The following PPP3R1 variants were observed in gnomAD, a reference collection of about 807,000 sequenced individuals.
PPP3R1 encodes calcineurin subunit B type 1.
Under a neutral mutation model 22.6 loss-of-function variants are expected in PPP3R1, and 5 were observed. The observed-to-expected ratio is 0.22, with a 90% CI of 0.12 to 0.46. The LOEUF (loss-of-function observed/expected upper bound fraction) is 0.46, where lower values mean the gene tolerates loss of function less well. Ranked by LOEUF, PPP3R1 falls within the 20% of genes least tolerant of loss-of-function variation. The pLI, the probability that PPP3R1 is intolerant of heterozygous loss-of-function variation, is 0.99. For synonymous variants in PPP3R1, 56 were observed against 65.2 expected (o/e 0.86, Z 0.68); for missense variants, 61 against 203.2 (o/e 0.30, Z 4.25).
At chr2:68,193,401 G>A (rs1674705590) in intron 2 of PPP3R1, among the ~76,000 whole-genome samples, 2 of 151,922 alleles carry the variant, frequency 1.3e-5, no homozygotes, top group African/African-American at 4.8e-5. Flanking sequence ...TTTCAGCTAC[G>A]ATTACGATGA....
chr2:68,244,241 C>G (rs887036086), intron 1 of PPP3R1, among the ~76,000 whole-genome samples: 1 of 152,118 alleles, frequency 6.6e-6, no homozygotes, highest in Non-Finnish European at 1.5e-5. Context: ...GTTAAAACCC[C>G]TGTTTTCTAG....
At chr2:68,251,745 AG>A (rs1180962396) in intron 1 of PPP3R1, among the ~76,000 whole-genome samples, 1 of 149,480 alleles carries the variant, frequency 6.7e-6, no homozygotes, top group East Asian at 2.0e-4. Context: ...GTGAGTGTGG[AG>A]GGGAGGGGGG....
chr2:68,202,792 ATTTTTTTT>A (rs71395958), intron 2 of PPP3R1, among the ~76,000 whole-genome samples: 30 of 81,204 alleles, frequency 3.7e-4, no homozygotes, highest in South Asian at 1.8e-3. Context: ...AGTTCAGGGA[ATTTTTTTT>A]TTTTTTTTTT....
At chr2:68,193,784 C>G (rs1674714605) in intron 2 of PPP3R1, among the ~76,000 whole-genome samples, 1 of 152,086 alleles carries the variant, frequency 6.6e-6, no homozygotes, top group Non-Finnish European at 1.5e-5. Context: ...TAAAGCAGAT[C>G]AAACCCATCT....
chr2:68,191,515 T>C (rs893998369), intron 2 of PPP3R1, among the ~76,000 whole-genome samples: 1 of 152,198 alleles, frequency 6.6e-6, no homozygotes, highest in African/African-American at 2.4e-5. Flanking sequence ...GGTGAGTTAA[T>C]GTAAGGGCCT....
intron 1 of PPP3R1, among the ~76,000 whole-genome samples, chr2:68,250,296 G>A (rs1670322657): frequency 6.6e-6 from 1 of 152,118 alleles, no homozygotes; most frequent in East Asian, 1.9e-4. Flanking sequence ...GAGTTAACAG[G>A]AAAATAAGAA....
In PPP3R1 at chr2:68,219,894, T is replaced by C. The variant is rs191525582; in HGVS notation, c.4-2763A>G. On this transcript the variant is annotated intron_variant, in intron 1 of 5. Transcript: ENST00000234310. ...ACCAAGTTACTGACAAGATCACTTG[T>C]TGATGAGGTCCTTAAATAAATCCAT... Among the ~76,000 whole-genome samples, 328 of 152,332 alleles carry C rather than the reference T, an allele frequency of 2.2e-3. 2 individuals are homozygous for C. Among genetic ancestry groups the C allele is most frequent in the African/African-American group, 7.6e-3 (318 of 41,580 alleles).
chr2:68,232,124 T>TACACACACACAAAC (rs1669918601), intron 1 of PPP3R1, among the ~76,000 whole-genome samples: 8 of 98,000 alleles, frequency 8.2e-5, no homozygotes, highest in South Asian at 6.6e-4. Flanking sequence ...TATATATATA[T>TACACACACACAAAC]ACACACACAC....
intron 1 of PPP3R1, among the ~76,000 whole-genome samples, chr2:68,228,747 C>T (rs1264562543): frequency 6.6e-6 from 1 of 151,612 alleles, no homozygotes; most frequent in Non-Finnish European, 1.5e-5. Flanking sequence ...TTTGAGGGGG[C>T]TTTTCTTTTC....
rs1174639727 is a variant in PPP3R1, at chr2:68,198,401, ATG to A, written c.44-9713_44-9712del. On this transcript the variant is annotated intron_variant, in intron 2 of 5. Coordinates refer to ENST00000234310, the MANE Select transcript of PPP3R1 (RefSeq NM_000945.4). Reference sequence around the variant, plus strand: ...TGTATATGCATATATATGTATATATATGTGTATGTATATGCATATATACGTAT... The same window carrying A: ...TGTATATGCATATATATGTATATATATGTATGTATATGCATATATACGTAT... Among the ~76,000 whole-genome samples, 13 of 60,290 alleles carry A rather than the reference ATG, an allele frequency of 2.2e-4. No individual in the cohort carries two copies. In the East Asian group the frequency reaches 3.3e-3, roughly 16 times the overall value. 39.6% of individuals were successfully genotyped at this position (60,290 alleles called of 152,430 possible).
At chr2:68,222,762 A>T (rs1160717672) in intron 1 of PPP3R1, among the ~76,000 whole-genome samples, 1 of 152,204 alleles carries the variant, frequency 6.6e-6, no homozygotes. Context: ...ATCTCTTTCT[A>T]GACATATGTA....
intron 1 of PPP3R1, among the ~76,000 whole-genome samples, chr2:68,226,669 C>T (rs1002739140): frequency 6.6e-5 from 10 of 152,088 alleles, no homozygotes; most frequent in African/African-American, 2.4e-4. Flanking sequence ...CATGAAGGCA[C>T]CAACTGTCTT....
intron 1 of PPP3R1, among the ~76,000 whole-genome samples, chr2:68,232,908 C>A (rs1350331422): frequency 1.3e-5 from 2 of 152,112 alleles, no homozygotes; most frequent in Non-Finnish European, 2.9e-5. Flanking sequence ...CACCTGGTCT[C>A]TATTATATTT....
chr2:68,210,199 A>G (rs573798905), intron 2 of PPP3R1, among the ~76,000 whole-genome samples: 1 of 152,126 alleles, frequency 6.6e-6, no homozygotes, highest in South Asian at 2.1e-4. Context: ...CTCTATTCCA[A>G]TTCTTACAAT....
rs190877477 is a variant in PPP3R1 at position 68,244,389 on chromosome 2, C to G, written c.3+7736G>C. On this transcript the variant is annotated intron_variant, in intron 1 of 5. Transcript: ENST00000234310. ...ACACAATCCTCTTCCACAGCCCTCA[C>G]CCCTCAAAACCACCCCAGTTCCCTC... is the stretch of plus-strand genomic sequence containing the variant. Among the ~76,000 whole-genome samples the G allele has an allele frequency of 2.5e-3, 376 of 152,274 alleles. 2 individuals carry two copies. The highest frequency in any genetic ancestry group is 8.4e-3 in the African/African-American group (351 of 41,540).
intron 1 of PPP3R1, among the ~76,000 whole-genome samples, chr2:68,235,056 T>C (rs1188621748): frequency 6.6e-6 from 1 of 152,168 alleles, no homozygotes; most frequent in Non-Finnish European, 1.5e-5. Flanking sequence ...ACTTAAATTT[T>C]GAATGAAAAA....
At chr2:68,202,239 A>T (rs1261799589) in intron 2 of PPP3R1, among the ~76,000 whole-genome samples, 2 of 152,220 alleles carry the variant, frequency 1.3e-5, no homozygotes, top group African/African-American at 2.4e-5. Flanking sequence ...CACTAGCTAA[A>T]GTAACTGATT....
chr2:68,227,775 T>C (rs901326287), intron 1 of PPP3R1, among the ~76,000 whole-genome samples: 2 of 143,788 alleles, frequency 1.4e-5, no homozygotes, highest in African/African-American at 5.0e-5. Context: ...TTCCTGTTTT[T>C]CCTTCTACTA....
intron 2 of PPP3R1, among the ~76,000 whole-genome samples, chr2:68,209,367 A>AAG (rs1669423554): frequency 1.3e-5 from 1 of 78,220 alleles, no homozygotes; most frequent in African/African-American, 6.5e-5. Flanking sequence ...TCAAAAAAAA[A>AAG]AAAAAAAAAA....
Sources: gnomAD v4.1 joint callset for allele counts (sites outside exome capture counted in the v4.1 genomes callset) on GRCh38, gnomAD v4.1.1 for gene constraint, MANE v1.5 for transcripts, NCBI Gene and HGNC (gene_info 2026-07-23, HGNC 2026-07-21) for gene names.